Variants in GMPR observed in about 807,000 individuals in gnomAD.
The protein encoded by GMPR is guanosine monophosphate reductase, also known as GMP reductase 1.
A neutral mutation model predicts 38.4 loss-of-function variants in GMPR; 31 were observed. The observed-to-expected ratio is 0.81, with a 90% CI of 0.61 to 1.09. GMPR has a LOEUF of 1.09. Among genes scored for constraint, GMPR ranks in the 50% least tolerant of loss-of-function variants. GMPR has a pLI of 0.00. For synonymous variants in GMPR, 162 were observed against 173.3 expected, an observed-to-expected ratio of 0.93 and a Z score of 0.51; for missense variants, 468 against 453.7, an observed-to-expected ratio of 1.03 and a Z score of -0.29.
intron 4 of GMPR, among the ~76,000 whole-genome samples, chr6:16,273,997 G>C (rs979372376): frequency 1.3e-5 from 2 of 151,930 alleles, no homozygotes; most frequent in African/African-American, 4.8e-5. Flanking sequence ...TGTATTTTTA[G>C]TAGAGACAGG....
At position 16,238,614 on chromosome 6, in the gene GMPR, G is replaced by GC. The variant is rs1259391693; in HGVS notation, c.-76dup. ...GCCAGCTCCCGGCCGCGGCACAGCAGCCCCGGCGCTCCCCGCGCCGCCCCG... is the reference window on the plus strand; with the variant it reads ...GCCAGCTCCCGGCCGCGGCACAGCAGCCCCCGGCGCTCCCCGCGCCGCCCCG... On this transcript the variant is annotated 5_prime_UTR_variant, in exon 1 of 9. Transcript: ENST00000259727. 1 of 393,700 alleles carries GC rather than the reference G, an allele frequency of 2.5e-6. No individual in the cohort carries two copies. The highest frequency in any genetic ancestry group is 1.5e-4 in the East Asian group (1 of 6,606). 24.4% of individuals were successfully genotyped at this position (393,700 alleles called of 1,614,324 possible).
rs369618452 is a variant in GMPR at position 16,280,561 on chromosome 6, C to T, written c.654+1671C>T. ...GTGTAAAAGGCTGACATAGAACTGT[C>T]GGTCTACATTTGCTAAGAGGTTATT... On this transcript the variant is annotated intron_variant, in intron 6 of 8. Transcript: ENST00000259727. Among the ~76,000 whole-genome samples the T allele has an allele frequency of 3.3e-3, 497 of 152,316 alleles. 6 individuals are homozygous for T. The highest frequency in any genetic ancestry group is 0.011 in the African/African-American group (472 of 41,562).
chr6:16,277,031 C>A (rs1326181660), intron 5 of GMPR, among the ~76,000 whole-genome samples: 1 of 152,224 alleles, frequency 6.6e-6, no homozygotes, highest in Non-Finnish European at 1.5e-5. Context: ...GGCCCCCACC[C>A]CCGGATCTAG....
At chr6:16,262,046 G>A (rs941491041) in intron 4 of GMPR, 3 of 151,842 alleles carry the variant, frequency 2.0e-5, no homozygotes, top group East Asian at 1.9e-4. Flanking sequence ...AGAGTTGGGG[G>A]ATTTTAAGAG....
intron 4 of GMPR, among the ~76,000 whole-genome samples, chr6:16,265,758 A>G (rs546279185): frequency 7.2e-5 from 11 of 152,320 alleles, no homozygotes; most frequent in African/African-American, 2.6e-4. Context: ...GGCGGGGCCA[A>G]ATAAGGGAAT....
chr6:16,289,161 G>A (rs561038934), intron 7 of GMPR, among the ~76,000 whole-genome samples: 16 of 152,290 alleles, frequency 1.1e-4, no homozygotes, highest in Middle Eastern at 3.4e-3. Flanking sequence ...TTGCCGGGAA[G>A]GTCTATAGCT....
At chr6:16,265,792 C>G (rs942914147) in intron 4 of GMPR, among the ~76,000 whole-genome samples, 1 of 151,700 alleles carries the variant, frequency 6.6e-6, no homozygotes, top group South Asian at 2.1e-4. Flanking sequence ...TGGAGCCAGC[C>G]CGGATAACCC....
intron 6 of GMPR, among the ~76,000 whole-genome samples, chr6:16,280,017 C>T (rs900676973): frequency 1.1e-4 from 16 of 152,098 alleles, no homozygotes; most frequent in African/African-American, 3.1e-4. Flanking sequence ...AAACAAGTGT[C>T]GGCAATGGAG....
intron 5 of GMPR, among the ~76,000 whole-genome samples, chr6:16,275,284 A>G (rs1759453530): frequency 6.6e-6 from 1 of 152,188 alleles, no homozygotes; most frequent in African/African-American, 2.4e-5. Flanking sequence ...TTTCAAAAGA[A>G]TCTCATACCC....
intron 4 of GMPR, among the ~76,000 whole-genome samples, chr6:16,263,630 G>A (rs187540944): frequency 1.1e-4 from 16 of 151,450 alleles, no homozygotes; most frequent in African/African-American, 3.6e-4. Flanking sequence ...ATAAGAGGTC[G>A]GGGCACGGAA....
At position 16,280,980 on chromosome 6, in the gene GMPR, G is replaced by C. The variant is rs1016227656; in HGVS notation, c.654+2090G>C. 2.0e-5 allele frequency among the ~76,000 whole-genome samples: 3 copies of C among 152,264 alleles called. No homozygotes were observed. The South Asian group carries it at 6.2e-4, about 32-fold the overall frequency. ...ACTTGCTTAGTTTACAGGGCTGTTT[G>C]GCCAAAGATTGGTGGTAGGCAGGGT... On this transcript the variant is annotated intron_variant, in intron 6 of 8. Coordinates refer to ENST00000259727, the MANE Select transcript of GMPR (RefSeq NM_006877.4).
chr6:16,268,666 T>G (rs1759318457), intron 4 of GMPR, among the ~76,000 whole-genome samples: 1 of 152,178 alleles, frequency 6.6e-6, no homozygotes, highest in Non-Finnish European at 1.5e-5. Flanking sequence ...AACCCTTGCC[T>G]TTTATCATCC....
intron 4 of GMPR, among the ~76,000 whole-genome samples, chr6:16,256,901 G>C (rs1561822346): frequency 6.6e-6 from 1 of 152,208 alleles, no homozygotes; most frequent in South Asian, 2.1e-4. Context: ...TTTCCTGGGT[G>C]GTAGGAGTAG....
rs1357640689 is a variant in GMPR, at chr6:16,295,171, C to T, written c.1023C>T (p.Asn341=). ...TCATCCGGGTGACCCAGCAGCACAA[C>T]ACCGTGTTCAGCTAACCCTGGGGAC... ...ATFIRVTQQH[N]TVFS is the part of the protein sequence containing the mutation. Residue 341 remains asparagine (N), a synonymous_variant, in exon 9 of 9, where the codon AAC becomes AAT. Coordinates refer to ENST00000259727, the MANE Select transcript of GMPR (RefSeq NM_006877.4). The T allele has an allele frequency of 2.0e-6, 3 of 1,529,548 alleles. No individual in the cohort carries two copies. The highest frequency in any genetic ancestry group is 2.6e-5 in the South Asian group (2 of 78,092). The allele number at this position is 1,529,548 out of a possible 1,614,324, so 94.7% of individuals were successfully genotyped here.
intron 1 of GMPR, among the ~76,000 whole-genome samples, chr6:16,241,747 A>G (rs1411377164): frequency 2.6e-5 from 4 of 151,952 alleles, no homozygotes; most frequent in Non-Finnish European, 5.9e-5. Flanking sequence ...GTACTTATTT[A>G]TTTATTTATT....
chr6:16,270,956 G>A (rs533773792), intron 4 of GMPR, among the ~76,000 whole-genome samples: 4 of 152,282 alleles, frequency 2.6e-5, no homozygotes, highest in African/African-American at 9.6e-5. Flanking sequence ...GGAGGCAGAG[G>A]TGGGGGGATT....
At chr6:16,243,221 G>C (rs926145177) in intron 1 of GMPR, among the ~76,000 whole-genome samples, 2 of 152,222 alleles carry the variant, frequency 1.3e-5, no homozygotes, top group African/African-American at 4.8e-5. Flanking sequence ...CCAGCACAAA[G>C]GTGGTGATTC....
Position 16,238,626 on chromosome 6 carries a change from C to CCCGCG in GMPR, c.-63_-59dup, listed in dbSNP as rs1758582326. ...CCGCGGCACAGCAGCCCCGGCGCTC[C>CCCGCG]CCGCGCCGCCCCGCGCAGGCGCCCC... On this transcript the variant is annotated 5_prime_UTR_variant, in exon 1 of 9. Transcript: ENST00000259727. 1 of 551,680 alleles carries CCCGCG rather than the reference C, an allele frequency of 1.8e-6. No individual in the cohort carries two copies. The highest frequency in any genetic ancestry group is 2.4e-6 in the Non-Finnish European group (1 of 417,376). 34.2% of individuals were successfully genotyped at this position (551,680 alleles called of 1,614,324 possible).
At chr6:16,245,694 A>G (rs1758738881) in intron 1 of GMPR, among the ~76,000 whole-genome samples, 1 of 152,180 alleles carries the variant, frequency 6.6e-6, no homozygotes, top group African/African-American at 2.4e-5. Flanking sequence ...ACAACTGAGG[A>G]TATTAAGGCA....
Sources: allele counts gnomAD v4.1 joint callset (sites outside exome capture counted in the v4.1 genomes callset), GRCh38; gene constraint gnomAD v4.1.1; transcripts MANE v1.5; gene names NCBI Gene and HGNC (gene_info 2026-07-23, HGNC 2026-07-21).